The following ZNF774 variants were observed in gnomAD, a reference collection of about 807,000 sequenced individuals.
ZNF774 encodes the protein zinc finger protein 774.
ZNF774 carries 14 observed loss-of-function variants against 11.1 expected under a neutral mutation model. The observed-to-expected ratio is 1.26, with a 90% CI of 0.83 to 1.97. The LOEUF (loss-of-function observed/expected upper bound fraction) is 1.97, where lower values mean the gene tolerates loss of function less well. Among genes scored for constraint, ZNF774 ranks in the 30% most tolerant of loss-of-function variants. ZNF774 has a pLI of 0.00. For missense variants in ZNF774, 599 were observed against 587.0 expected (o/e 1.02, Z -0.21); for synonymous variants, 195 against 212.6 (o/e 0.92, Z 0.72).
Position 90,352,291 on chromosome 15 carries a change from C to T in ZNF774, c.-140C>T, listed in dbSNP as rs980165349. 1.3e-5 allele frequency: 2 copies of T among 152,288 alleles called. No homozygotes were observed. The highest frequency in any genetic ancestry group is 4.8e-5 in the African/African-American group (2 of 41,402). The allele number at this position is 152,288 out of a possible 1,614,324, so 9.4% of individuals were successfully genotyped here. On this transcript the variant is annotated 5_prime_UTR_variant, in exon 1 of 4. Transcript: ENST00000354377. ...GAAGCCGGAGTCCCACCTGTGTCCC[C>T]ACAGCCCTGTCACGAATCCCGGTCG...
intron 2 of ZNF774, among the ~76,000 whole-genome samples, chr15:90,358,529 C>T (rs1443989743): frequency 6.6e-6 from 1 of 152,142 alleles, no homozygotes; most frequent in Non-Finnish European, 1.5e-5. Flanking sequence ...GTCATGGAGG[C>T]TTGGTTTCTG....
At chr15:90,358,226 GT>G (rs1964274598) in intron 2 of ZNF774, among the ~76,000 whole-genome samples, 1 of 152,164 alleles carries the variant, frequency 6.6e-6, no homozygotes, top group Non-Finnish European at 1.5e-5. Flanking sequence ...GAGACACAGA[GT>G]TTAAGTAACT....
intron 2 of ZNF774, chr15:90,355,224 C>T: frequency 4.4e-6 from 2 of 449,462 alleles, no homozygotes; most frequent in South Asian, 1.6e-5. Context: ...TTAATTGTTG[C>T]CTCCTTGGGA....
chr15:90,358,646 G>A (rs372813303), intron 2 of ZNF774, among the ~76,000 whole-genome samples: 2 of 152,162 alleles, frequency 1.3e-5, no homozygotes, highest in East Asian at 3.9e-4. Context: ...CTTTATGGGA[G>A]GAAAAGGGCT....
At position 90,360,390 on chromosome 15, in the gene ZNF774, G is replaced by C. The variant is rs1212270869; in HGVS notation, c.559G>C (p.Gly187Arg). 3.1e-6 allele frequency: 5 copies of C among 1,612,500 alleles called. No homozygotes were observed. In the South Asian group the frequency reaches 5.5e-5, roughly 18 times the overall value. Reference protein sequence around the residue: ...RPYTCIECGKGFKQSSDLVTH... With the variant: ...RPYTCIECGKRFKQSSDLVTH... Reference sequence around the variant, plus strand: ...CTATACGTGCATTGAGTGTGGGAAAGGCTTCAAACAGAGCTCAGACCTTGT... The same window carrying C: ...CTATACGTGCATTGAGTGTGGGAAACGCTTCAAACAGAGCTCAGACCTTGT... Residue 187 changes from glycine (G) to arginine (R), a missense_variant, in exon 4 of 4, where the codon GGC (glycine) becomes CGC (arginine). By Grantham distance (125) the Gly-to-Arg change is moderately radical. Transcript: ENST00000354377.
At position 90,360,103 on chromosome 15, in the gene ZNF774, G is replaced by A; in HGVS notation, c.272G>A (p.Gly91Glu). ...QDNSETAEQC[G>E]TSSERTNKDL... ...AATTCTGAAACAGCAGAACAATGTG[G>A]AACATCCTCAGAAAGGACCAATAAA... Residue 91 changes from glycine (G) to glutamate (E), a missense_variant, in exon 4 of 4, where the codon GGA becomes GAA. Coordinates refer to ENST00000354377, the MANE Select transcript of ZNF774 (RefSeq NM_001004309.3). 1 of 1,614,158 alleles carries A rather than the reference G, an allele frequency of 6.2e-7. No homozygotes were observed. The highest frequency in any genetic ancestry group is 2.2e-5 in the East Asian group (1 of 44,884).
Position 90,361,312 on chromosome 15 carries a change from C to G in ZNF774, c.*29C>G, listed in dbSNP as rs772479047. On this transcript the variant is annotated 3_prime_UTR_variant, in exon 4 of 4. Transcript: ENST00000354377. ...GTAGTCTTTGGTGTTCAGCTGCTCC[C>G]TTGCACATTTTCATTGCTACTGTCT... The G allele has an allele frequency of 6.5e-7, 1 of 1,548,804 alleles. No individual in the cohort carries two copies. The highest frequency in any genetic ancestry group is 8.7e-7 in the Non-Finnish European group (1 of 1,150,204).
intron 1 of ZNF774, among the ~76,000 whole-genome samples, chr15:90,353,844 ATTATC>A (rs1435159721): frequency 6.6e-6 from 1 of 152,140 alleles, no homozygotes; most frequent in African/African-American, 2.4e-5. Context: ...GGGAAAAAAC[ATTATC>A]TTAATTTCTA....
At position 90,352,404 on chromosome 15, in the gene ZNF774, C is replaced by G. The variant is rs998058463; in HGVS notation, c.-27C>G. On this transcript the variant is annotated 5_prime_UTR_variant, in exon 1 of 4. Coordinates refer to ENST00000354377, the MANE Select transcript of ZNF774 (RefSeq NM_001004309.3). ...TTCCTGCTCCATCCCCGGCTGGGCCCTGGGGCGGTGAGTGATTCAAGGAGG... is the reference window on the plus strand; with the variant it reads ...TTCCTGCTCCATCCCCGGCTGGGCCGTGGGGCGGTGAGTGATTCAAGGAGG... 4 of 152,536 alleles carry G rather than the reference C, an allele frequency of 2.6e-5. No individual in the cohort carries two copies. The highest frequency in any genetic ancestry group is 9.6e-5 in the African/African-American group (4 of 41,464). 9.4% of individuals were successfully genotyped at this position (152,536 alleles called of 1,614,324 possible).
chr15:90,361,242 A>G lies in ZNF774; in HGVS notation c.1411A>G (p.Lys471Glu), dbSNP rs1964332281. 1 of 1,610,748 alleles carries G rather than the reference A, an allele frequency of 6.2e-7. No individual in the cohort carries two copies. The highest frequency in any genetic ancestry group is 1.3e-5 in the African/African-American group (1 of 74,708). Residue 471 changes from lysine to glutamate, a missense_variant, in exon 4 of 4, where the codon AAA (lysine) becomes GAA (glutamate). Lys to Glu is a moderately conservative substitution (Grantham distance 56). Transcript: ENST00000354377. ...TAAATGTAACAAGAGCTTCCGTCAG[A>G]AAGCGCATCTTTTATGCCATCAAAA... ...CSKCNKSFRQ[K>E]AHLLCHQNTH...
At position 90,361,506 on chromosome 15, in the gene ZNF774, A is replaced by G; in HGVS notation, c.*223A>G. The G allele has an allele frequency of 7.6e-7, 1 of 1,312,508 alleles. No homozygotes were observed. The highest frequency in any genetic ancestry group is 9.7e-7 in the Non-Finnish European group (1 of 1,031,814). The allele number at this position is 1,312,508 out of a possible 1,614,324, so 81.3% of individuals were successfully genotyped here. ...TCAGTGTGTGACTGACTCTTAGGGA[A>G]ATGTGAGTTTAATAGTTGATGCCCG... is the stretch of plus-strand genomic sequence containing the variant. On this transcript the variant is annotated 3_prime_UTR_variant, in exon 4 of 4. Coordinates refer to ENST00000354377, the MANE Select transcript of ZNF774 (RefSeq NM_001004309.3).
At chr15:90,359,998 G>A (rs747880834) in intron 3 of ZNF774, 45 bp from the exon 4 acceptor site, 5 of 1,532,996 alleles carry the variant, frequency 3.3e-6, no homozygotes, top group Middle Eastern at 1.8e-4. Context: ...ATTCCTTCCT[G>A]ATAACTGATA....
At position 90,362,563 on chromosome 15, in the gene ZNF774, C is replaced by A; in HGVS notation, c.*1280C>A. The A allele has an allele frequency of 6.5e-7, 1 of 1,535,898 alleles. No individual in the cohort carries two copies. The highest frequency in any genetic ancestry group is 8.7e-7 in the Non-Finnish European group (1 of 1,146,762). On this transcript the variant is annotated 3_prime_UTR_variant, in exon 4 of 4. Coordinates refer to ENST00000354377, the MANE Select transcript of ZNF774 (RefSeq NM_001004309.3). Reference sequence around the variant, plus strand: ...CTTTTAGGGCCATCCAGGTTATGCACTAGTACATTCCTACATTCAATTGAA... The same window carrying A: ...CTTTTAGGGCCATCCAGGTTATGCAATAGTACATTCCTACATTCAATTGAA...
intron 3 of ZNF774, among the ~76,000 whole-genome samples, chr15:90,359,221 C>G (rs369307632): frequency 7.3e-5 from 11 of 150,628 alleles, no homozygotes; most frequent in African/African-American, 2.7e-4. Context: ...TACAGGCGCC[C>G]GCCACCGCGC....
rs141917260 is a variant in ZNF774 at position 90,361,069 on chromosome 15, A to G, written c.1238A>G (p.Asn413Ser). ...YKCGECGKSF[N>S]QSSHFITHQR... ...TGTGGAGAGTGTGGGAAGAGCTTCA[A>G]TCAGAGCTCCCACTTTATTACCCAT... The change falls in exon 4 of 4, where the codon AAT becomes AGT. Residue 413 changes from asparagine (N) to serine (S), a missense_variant. Coordinates refer to ENST00000354377, the MANE Select transcript of ZNF774 (RefSeq NM_001004309.3). The G allele has an allele frequency of 3.2e-5, 51 of 1,614,152 alleles. No homozygotes were observed. In the East Asian group the frequency reaches 3.3e-4, roughly 11 times the overall value.
intron 1 of ZNF774, among the ~76,000 whole-genome samples, chr15:90,354,407 C>T (rs908156543): frequency 1.3e-5 from 2 of 152,156 alleles, no homozygotes; most frequent in Non-Finnish European, 1.5e-5. Flanking sequence ...TGGGTTCTGT[C>T]GATGTGTTTG....
intron 2 of ZNF774, among the ~76,000 whole-genome samples, chr15:90,356,987 T>C (rs1379256208): frequency 6.6e-6 from 1 of 152,126 alleles, no homozygotes; most frequent in East Asian, 1.9e-4. Context: ...TAAACATCTT[T>C]TAGCTCGTTT....
intron 1 of ZNF774, among the ~76,000 whole-genome samples, chr15:90,353,051 T>C (rs1449523255): frequency 1.3e-5 from 2 of 152,074 alleles, no homozygotes; most frequent in Non-Finnish European, 2.9e-5. Flanking sequence ...CACTGCAGTC[T>C]CCACCTCCCG....
At chr15:90,359,174 G>A (rs1025891867) in intron 3 of ZNF774, among the ~76,000 whole-genome samples, 17 of 148,268 alleles carry the variant, frequency 1.1e-4, no homozygotes, top group African/African-American at 3.8e-4. Context: ...CCGGGTTCAC[G>A]CCATTCTCCT....
Sources: gnomAD v4.1 joint callset for allele counts (sites outside exome capture counted in the v4.1 genomes callset) on GRCh38, gnomAD v4.1.1 for gene constraint, MANE v1.5 for transcripts, NCBI Gene and HGNC (gene_info 2026-07-23, HGNC 2026-07-21) for gene names.